ABCA12: variants seen among roughly 807,000 people sequenced by gnomAD.
ABCA12 encodes glucosylceramide transporter ABCA12.
Under a neutral mutation model 293.5 loss-of-function variants are expected in ABCA12, and 156 were observed. That is an observed-to-expected ratio of 0.53 (90% CI 0.47 to 0.61). The LOEUF is 0.61. Ranked by LOEUF, ABCA12 falls within the 20% of genes least tolerant of loss-of-function variation. ABCA12 has a pLI of 0.00. For synonymous variants in ABCA12, 1,063 were observed against 1,108.0 expected, an observed-to-expected ratio of 0.96 and a Z score of 0.81; for missense variants, 2,797 against 3,090.2, an observed-to-expected ratio of 0.91 and a Z score of 2.25.
intron 9 of ABCA12, among the ~76,000 whole-genome samples, chr2:215,027,634 A>G (rs1044267013): frequency 1.3e-5 from 2 of 152,180 alleles, no homozygotes; most frequent in Non-Finnish European, 2.9e-5. Flanking sequence ...TTTTTTGTGT[A>G]TAAGTACATC....
intron 39 of ABCA12, among the ~76,000 whole-genome samples, chr2:214,965,315 C>T (rs771613235): frequency 2.6e-5 from 4 of 151,974 alleles, no homozygotes; most frequent in African/African-American, 7.2e-5. Context: ...GACATAGGCA[C>T]GGGCAAAAAT....
rs553535968 is a variant in ABCA12 at position 214,958,164 on chromosome 2, C to A, written c.6117+113G>T. On this transcript the variant is annotated intron_variant, in intron 41 of 52. Transcript: ENST00000272895. ...TCAAGTCATTTTCTTTATTTCCTGT[C>A]TTTGTGATAACAATTTGAACAAACT... The A allele has an allele frequency of 5.0e-6, 7 of 1,409,492 alleles. No homozygotes were observed. The South Asian group carries it at 5.9e-5, about 12-fold the overall frequency. 87.3% of individuals were successfully genotyped at this position (1,409,492 alleles called of 1,614,324 possible). A position where few individuals can be genotyped will look rare whatever the true frequency, so the allele number is the denominator to read the frequency against.
chr2:214,967,107 G>A (rs932946364), intron 38 of ABCA12, among the ~76,000 whole-genome samples, 154 bp from the exon 39 acceptor site: 2 of 152,100 alleles, frequency 1.3e-5, no homozygotes, highest in African/African-American at 4.8e-5. Context: ...GTTCTCTAGA[G>A]TACTGACCAT....
chr2:215,121,118 T>C (rs188746599), intron 1 of ABCA12, among the ~76,000 whole-genome samples: 1 of 152,324 alleles, frequency 6.6e-6, no homozygotes, highest in East Asian at 1.9e-4. Context: ...CTCTTGCAGA[T>C]GGGAAGACAG....
intron 47 of ABCA12, 107 bp from the exon 48 acceptor site, chr2:214,947,663 GAA>G (rs1355571588): frequency 1.6e-6 from 2 of 1,261,570 alleles, no homozygotes; most frequent in Non-Finnish European, 2.2e-6. Context: ...TTATCATGGA[GAA>G]TATATCTGGA....
chr2:215,078,663 G>A (rs1451985294), intron 2 of ABCA12, among the ~76,000 whole-genome samples: 1 of 152,062 alleles, frequency 6.6e-6, no homozygotes, highest in Non-Finnish European at 1.5e-5. Flanking sequence ...CATCTTCTAT[G>A]TCCATAATGT....
intron 11 of ABCA12, chr2:215,022,240 TG>T (rs1461593345): frequency 6.6e-6 from 1 of 152,206 alleles, no homozygotes; most frequent in Non-Finnish European, 1.5e-5. Flanking sequence ...TGTACATATG[TG>T]GGAAACCAGC....
At chr2:215,043,132 C>T (rs1701132468) in intron 7 of ABCA12, among the ~76,000 whole-genome samples, 1 of 151,970 alleles carries the variant, frequency 6.6e-6, no homozygotes, top group South Asian at 2.1e-4. Context: ...GATGATATCT[C>T]ATTATAGTTT....
Position 215,004,284 on chromosome 2 carries a change from G to T in ABCA12, c.2608C>A (p.Pro870Thr). 1 of 1,612,530 alleles carries T rather than the reference G, an allele frequency of 6.2e-7. No homozygotes were observed. The highest frequency in any genetic ancestry group is 8.5e-7 in the Non-Finnish European group (1 of 1,179,232). ...AACTTTACAAAAACTTGCACAAAAG[G>T]GTTCCTTAGAGTATTCTAACAAATA... is the stretch of plus-strand genomic sequence containing the variant. ...IPMLQNTLRN[P>T]FVQVFVKFSV... Residue 870 changes from proline (P) to threonine (T), a missense_variant, in exon 20 of 53, where the codon CCT becomes ACT. This residue lies in a region of ABCA12 where 2,130 missense variants were observed against 2,427.0 expected (regional missense o/e 0.88). Coordinates refer to ENST00000272895, the MANE Select transcript of ABCA12 (RefSeq NM_173076.3).
chr2:215,028,502 G>A (rs939255509), intron 9 of ABCA12, among the ~76,000 whole-genome samples: 1 of 152,100 alleles, frequency 6.6e-6, no homozygotes, highest in Non-Finnish European at 1.5e-5. Context: ...TACTATATTT[G>A]GTGGACTCAG....
intron 33 of ABCA12, 52 bp from the exon 34 acceptor site, chr2:214,976,089 T>A (rs1559124877): frequency 6.2e-7 from 1 of 1,607,070 alleles, no homozygotes. Context: ...TGATAAGCAA[T>A]AAAATAACTT....
chr2:215,011,882 T>C (rs894342571), intron 16 of ABCA12, 89 bp downstream of exon 16: 8 of 1,195,126 alleles, frequency 6.7e-6, no homozygotes, highest in African/African-American at 4.8e-5. Flanking sequence ...TTTTTTTCAA[T>C]GTACTACGAT....
chr2:215,026,533 T>G (rs894521686), intron 10 of ABCA12, among the ~76,000 whole-genome samples: 3 of 152,218 alleles, frequency 2.0e-5, no homozygotes, highest in African/African-American at 7.2e-5. Flanking sequence ...CTCTGGACAC[T>G]TGGAAAATTT....
At chr2:215,047,271 T>A (rs143098743) in intron 6 of ABCA12, among the ~76,000 whole-genome samples, 1 of 152,292 alleles carries the variant, frequency 6.6e-6, no homozygotes, top group African/African-American at 2.4e-5. Flanking sequence ...ATGCAAACAC[T>A]CCATAGTAGA....
rs7606824 is a variant in ABCA12, at chr2:215,034,701, A to G, written c.985+2252T>C. The stretch of plus-strand genomic sequence containing the variant: ...CTTACTGGATGAGTAACACAGGCCA[A>G]GCACCCAGCCTCCTTAAGCTTCTGT... On this transcript the variant is annotated intron_variant, in intron 8 of 52. Coordinates refer to ENST00000272895, the MANE Select transcript of ABCA12 (RefSeq NM_173076.3). Among the ~76,000 whole-genome samples the G allele has an allele frequency of 8.9e-3, 1,350 of 152,352 alleles. 12 individuals are homozygous for G. The highest frequency in any genetic ancestry group is 0.015 in the Non-Finnish European group (992 of 68,032).
intron 1 of ABCA12, among the ~76,000 whole-genome samples, chr2:215,131,316 CTCT>C (rs1703050218): frequency 6.6e-6 from 1 of 151,868 alleles, no homozygotes; most frequent in African/African-American, 2.4e-5. Flanking sequence ...TTGGTACCAC[CTCT>C]TCTTTGTACA....
At chr2:215,042,579 C>T (rs1329716280) in intron 7 of ABCA12, among the ~76,000 whole-genome samples, 1 of 151,986 alleles carries the variant, frequency 6.6e-6, no homozygotes, top group Non-Finnish European at 1.5e-5. Context: ...TTAATTGACA[C>T]ATAATTGTTC....
At chr2:215,057,215 A>G (rs1211947173) in intron 3 of ABCA12, among the ~76,000 whole-genome samples, 1 of 152,078 alleles carries the variant, frequency 6.6e-6, no homozygotes, top group Non-Finnish European at 1.5e-5. Flanking sequence ...CTCAGCCATC[A>G]TCTCCCTCAC....
chr2:215,017,703 C>T lies in ABCA12; in HGVS notation c.1782+305G>A, dbSNP rs900591277. The T allele has an allele frequency of 1.3e-4, 32 of 255,272 alleles. No individual in the cohort carries two copies. In the Admixed American group the frequency reaches 1.3e-3, roughly 10 times the overall value. The allele number at this position is 255,272 out of a possible 1,614,324, so 15.8% of individuals were successfully genotyped here. A position where few individuals can be genotyped will look rare whatever the true frequency, so the allele number is the denominator to read the frequency against. On this transcript the variant is annotated intron_variant, in intron 14 of 52. Transcript: ENST00000272895. ...TCGCCCAGGCTGGAGTGCAGTGGTG[C>T]GATCTCAGCTCACTGCAAGCTCATT...
Sources: gnomAD v4.1 joint callset for allele counts (sites outside exome capture counted in the v4.1 genomes callset) on GRCh38, gnomAD v4.1.1 for gene constraint, gnomAD v4.1.1 regional missense constraint, MANE v1.5 for transcripts, NCBI Gene and HGNC (gene_info 2026-07-23, HGNC 2026-07-21) for gene names.